Variants in TUSC3 observed in about 807,000 individuals in gnomAD.
TUSC3 encodes the protein tumor suppressor candidate 3.
TUSC3 carries 45 observed loss-of-function variants against 44.8 expected under a neutral mutation model. The observed-to-expected ratio is 1.00, with a 90% CI of 0.79 to 1.29. The LOEUF is 1.29. Among genes scored for constraint, TUSC3 ranks in the 50% most tolerant of loss-of-function variants. TUSC3 has a pLI of 0.00. For missense variants in TUSC3, 519 were observed against 437.9 expected (o/e 1.19, Z -1.65); for synonymous variants, 212 against 152.9 (o/e 1.39, Z -2.85).
chr8:15,498,153 T>C (rs1289389808), intron 2 of TUSC3, among the ~76,000 whole-genome samples: 2 of 152,156 alleles, frequency 1.3e-5, no homozygotes. Flanking sequence ...GATGTAAAAT[T>C]GCTGGGATAG....
chr8:15,774,854 A>C, the TUSC3 span, among the ~76,000 whole-genome samples: 2 of 152,278 alleles, frequency 1.3e-5, no homozygotes, highest in South Asian at 4.1e-4. Flanking sequence ...ATGTGAAGAA[A>C]ATGAAGCTCT....
intron 6 of TUSC3, among the ~76,000 whole-genome samples, chr8:15,700,366 A>C (rs1388499190): frequency 6.6e-6 from 1 of 152,184 alleles, no homozygotes; most frequent in Non-Finnish European, 1.5e-5. Context: ...TCAGGGCTGC[A>C]GGTGATTCTA....
the TUSC3 span, among the ~76,000 whole-genome samples, chr8:15,822,269 T>C: frequency 6.6e-6 from 1 of 152,170 alleles, no homozygotes; most frequent in Admixed American, 6.5e-5. Context: ...AGAGATCAAA[T>C]TAGCAGAAGA....
chr8:15,758,387 A>ATAAT, intron 10 of TUSC3: 2 of 327,110 alleles, frequency 6.1e-6, no homozygotes, highest in Non-Finnish European at 8.7e-6. Flanking sequence ...TTATATATAT[A>ATAAT]TAATTTTACA....
intron 8 of TUSC3, among the ~76,000 whole-genome samples, 158 bp from the exon 9 acceptor site, chr8:15,748,217 A>G (rs1191593886): frequency 6.6e-6 from 1 of 152,126 alleles, no homozygotes; most frequent in African/African-American, 2.4e-5. Context: ...TAATGAACAC[A>G]TTGGATACCT....
intron 1 of TUSC3, among the ~76,000 whole-genome samples, chr8:15,586,027 G>C (rs983980770): frequency 2.0e-5 from 3 of 152,148 alleles, no homozygotes; most frequent in African/African-American, 7.2e-5. Context: ...GGAGTAGTCA[G>C]GGAGTTATGA....
At chr8:15,792,092 A>T in the TUSC3 span, among the ~76,000 whole-genome samples, 1 of 150,852 alleles carries the variant, frequency 6.6e-6, no homozygotes, top group African/African-American at 2.4e-5. Context: ...TTTGGAAAAC[A>T]AATGAATCTC....
chr8:15,743,718 A>G (rs773988227), intron 8 of TUSC3, 106 bp downstream of exon 8: 34 of 1,239,140 alleles, frequency 2.7e-5, no homozygotes, highest in Non-Finnish European at 3.8e-5. Flanking sequence ...TTCTAAAGAA[A>G]TGTTCTGGTT....
At chr8:15,478,883 T>C (rs1055434340) in intron 1 of TUSC3, among the ~76,000 whole-genome samples, 4 of 152,166 alleles carry the variant, frequency 2.6e-5, no homozygotes, top group African/African-American at 9.7e-5. Flanking sequence ...GTAGAACTAA[T>C]TTACATTCCC....
At chr8:15,775,697 CACATATAT>C in the TUSC3 span, among the ~76,000 whole-genome samples, 1 of 147,388 alleles carries the variant, frequency 6.8e-6, no homozygotes, top group East Asian at 2.0e-4. Context: ...TGTACACACA[CACATATAT>C]ACATATATAT....
intron 1 of TUSC3, among the ~76,000 whole-genome samples, chr8:15,544,341 A>T (rs1001246405): frequency 1.3e-5 from 2 of 149,076 alleles, no homozygotes; most frequent in Non-Finnish European, 3.0e-5. Flanking sequence ...AAAGAGCTCC[A>T]ATTCTGTAAT....
chr8:15,730,831 C>A, intron 7 of TUSC3, 102 bp downstream of exon 7: 1 of 1,163,888 alleles, frequency 8.6e-7, no homozygotes, highest in Non-Finnish European at 1.3e-6. Flanking sequence ...TTTTAAGAGA[C>A]ATTAAATTTT....
At chr8:15,758,719 C>A (rs1205832751) in intron 10 of TUSC3, among the ~76,000 whole-genome samples, 3 of 151,960 alleles carry the variant, frequency 2.0e-5, no homozygotes, top group African/African-American at 7.3e-5. Context: ...TGTTCTTCTC[C>A]CCCCAGATTG....
intron 7 of TUSC3, among the ~76,000 whole-genome samples, chr8:15,739,738 G>A (rs1014189073): frequency 1.3e-5 from 2 of 152,172 alleles, no homozygotes; most frequent in African/African-American, 4.8e-5. Flanking sequence ...TTAGCCTAAA[G>A]ATATTTCATG....
chr8:15,716,004 C>A (rs1563187220), intron 6 of TUSC3, among the ~76,000 whole-genome samples: 1 of 151,954 alleles, frequency 6.6e-6, no homozygotes, highest in South Asian at 2.1e-4. Context: ...GCTTGTAATC[C>A]CAGCACTTTT....
chr8:15,460,405 A>G (rs1800329138), intron 1 of TUSC3, among the ~76,000 whole-genome samples: 1 of 151,844 alleles, frequency 6.6e-6, no homozygotes, highest in Non-Finnish European at 1.5e-5. Flanking sequence ...TTTATCGCTG[A>G]TTTAAGTTTG....
At chr8:15,782,917 A>C in the TUSC3 span, among the ~76,000 whole-genome samples, 1 of 152,188 alleles carries the variant, frequency 6.6e-6, no homozygotes, top group Non-Finnish European at 1.5e-5. Context: ...TCAAATTGAA[A>C]AGGAAGAGCG....
At chr8:15,498,252 A>G (rs1800910565) in intron 2 of TUSC3, among the ~76,000 whole-genome samples, 1 of 152,216 alleles carries the variant, frequency 6.6e-6, no homozygotes, top group Non-Finnish European at 1.5e-5. Flanking sequence ...TAAAGATCAT[A>G]AGAACACAGA....
intron 8 of TUSC3, among the ~76,000 whole-genome samples, chr8:15,747,522 C>A (rs1280625262): frequency 6.6e-6 from 1 of 151,920 alleles, no homozygotes; most frequent in Non-Finnish European, 1.5e-5. Flanking sequence ...ATTTTATAAG[C>A]ATGTTTAGAT....
Sources: allele counts gnomAD v4.1 joint callset (sites outside exome capture counted in the v4.1 genomes callset), GRCh38; gene constraint gnomAD v4.1.1; transcripts MANE v1.5; gene names NCBI Gene and HGNC (gene_info 2026-07-23, HGNC 2026-07-21).